Variants in CSNK1G2 observed in about 807,000 individuals in gnomAD.
CSNK1G2 encodes casein kinase 1 gamma 2, also known as casein kinase I isoform gamma-2.
In CSNK1G2, 11 loss-of-function variants were observed where a neutral mutation model predicts 48.0. That is an observed-to-expected ratio of 0.23 (90% confidence interval 0.14 to 0.38). The LOEUF (loss-of-function observed/expected upper bound fraction) is 0.38. CSNK1G2 is among the 10% of genes least tolerant of loss of function. The pLI is 1.00. For synonymous variants in CSNK1G2, 337 were observed against 254.1 expected, an observed-to-expected ratio of 1.33 and a Z score of -3.10; for missense variants, 446 against 595.5, an observed-to-expected ratio of 0.75 and a Z score of 2.61.
In CSNK1G2 at chr19:1,979,733, C is replaced by T. The variant is rs779082663; in HGVS notation, c.1003-19C>T. 1 of 1,604,744 alleles carries T rather than the reference C, an allele frequency of 6.2e-7. No homozygotes were observed. Reference sequence around the variant, plus strand: ...ACCGGCGCTGCAGCCCATCCTGACCCCTGCTCCCTCACCCACAGCCGACCC... The same window carrying T: ...ACCGGCGCTGCAGCCCATCCTGACCTCTGCTCCCTCACCCACAGCCGACCC... On this transcript the variant is annotated intron_variant, in intron 9 of 11. Coordinates refer to ENST00000255641, the MANE Select transcript of CSNK1G2 (RefSeq NM_001319.7).
chr19:1,956,837 G>A (rs537661665), intron 1 of CSNK1G2, among the ~76,000 whole-genome samples: 1 of 152,332 alleles, frequency 6.6e-6, no homozygotes, highest in South Asian at 2.1e-4. Flanking sequence ...ACCCCAGAGA[G>A]CCCCAGGAGG....
At chr19:1,972,472 A>G (rs1321009971) in intron 2 of CSNK1G2, among the ~76,000 whole-genome samples, 1 of 152,128 alleles carries the variant, frequency 6.6e-6, no homozygotes, top group East Asian at 1.9e-4. Flanking sequence ...AATATTGACT[A>G]TGCTCTCCTT....
intron 2 of CSNK1G2, among the ~76,000 whole-genome samples, chr19:1,974,362 A>G (rs1211477426): frequency 6.6e-6 from 1 of 152,126 alleles, no homozygotes; most frequent in Non-Finnish European, 1.5e-5. Flanking sequence ...TTTAGTCAGG[A>G]ACCCACTCCC....
chr19:1,948,395 C>T (rs545155471), intron 1 of CSNK1G2, among the ~76,000 whole-genome samples: 6 of 152,056 alleles, frequency 3.9e-5, no homozygotes, highest in African/African-American at 7.2e-5. Context: ...CGGTGGCAGG[C>T]GCCTGTACTC....
intron 1 of CSNK1G2, among the ~76,000 whole-genome samples, chr19:1,956,465 C>T (rs1463621541): frequency 3.9e-5 from 6 of 152,112 alleles, no homozygotes; most frequent in Non-Finnish European, 8.8e-5. Flanking sequence ...TGTAATGAGC[C>T]GAGATCCTGC....
At chr19:1,961,185 C>G (rs2015186925) in intron 1 of CSNK1G2, among the ~76,000 whole-genome samples, 1 of 152,236 alleles carries the variant, frequency 6.6e-6, no homozygotes, top group South Asian at 2.1e-4. Context: ...CCAGCCCTGG[C>G]CGTCGCGGTT....
intron 1 of CSNK1G2, among the ~76,000 whole-genome samples, chr19:1,945,161 G>A (rs1425498371): frequency 1.3e-5 from 2 of 152,184 alleles, no homozygotes; most frequent in Non-Finnish European, 2.9e-5. Context: ...GCTGCTTGGG[G>A]CCCTGCACCA....
At chr19:1,947,392 C>T (rs898603567) in intron 1 of CSNK1G2, among the ~76,000 whole-genome samples, 1 of 152,246 alleles carries the variant, frequency 6.6e-6, no homozygotes, top group Non-Finnish European at 1.5e-5. Flanking sequence ...TCCCATCTGA[C>T]CTCTGTCCCC....
intron 2 of CSNK1G2, among the ~76,000 whole-genome samples, chr19:1,973,286 C>T (rs533794519): frequency 3.2e-4 from 49 of 152,028 alleles, no homozygotes; most frequent in African/African-American, 1.0e-3. Flanking sequence ...TGCAGTGGCG[C>T]GATCTCGGCT....
chr19:1,971,616 T>A (rs1330109701), intron 2 of CSNK1G2, among the ~76,000 whole-genome samples: 1 of 152,134 alleles, frequency 6.6e-6, no homozygotes, highest in Non-Finnish European at 1.5e-5. Context: ...TGCACACACA[T>A]GCCTGGCACA....
chr19:1,972,089 G>C (rs2015593797), intron 2 of CSNK1G2, among the ~76,000 whole-genome samples: 1 of 152,192 alleles, frequency 6.6e-6, no homozygotes, highest in Non-Finnish European at 1.5e-5. Flanking sequence ...AGCTTTTACT[G>C]AGTTGCGGTT....
At chr19:1,980,073 G>C in intron 11 of CSNK1G2, 56 bp downstream of exon 11, 3 of 1,599,182 alleles carry the variant, frequency 1.9e-6, no homozygotes, top group South Asian at 1.1e-5. Context: ...GTCCCCATGG[G>C]GGTGGGAGGG....
intron 1 of CSNK1G2, among the ~76,000 whole-genome samples, chr19:1,962,106 G>T (rs994733222): frequency 1.3e-5 from 2 of 152,190 alleles, no homozygotes; most frequent in Admixed American, 6.5e-5. Flanking sequence ...GAGGCAGGCG[G>T]ATCACCTGGG....
chr19:1,944,934 T>C (rs1479891807), intron 1 of CSNK1G2, among the ~76,000 whole-genome samples: 1 of 152,208 alleles, frequency 6.6e-6, no homozygotes, highest in Non-Finnish European at 1.5e-5. Context: ...CCACCCTTGC[T>C]GCCCTTTTTC....
At chr19:1,971,246 C>T (rs191060316) in intron 2 of CSNK1G2, among the ~76,000 whole-genome samples, 2 of 152,292 alleles carry the variant, frequency 1.3e-5, no homozygotes, top group Admixed American at 1.3e-4. Flanking sequence ...TTGGTTGCAC[C>T]CAGGGCCCCA....
intron 1 of CSNK1G2, chr19:1,953,441 C>T (rs763473419): frequency 3.7e-6 from 2 of 534,586 alleles, no homozygotes; most frequent in South Asian, 2.8e-5. Flanking sequence ...GATGTGTCCA[C>T]TTTGCTTTTG....
At chr19:1,964,665 C>A (rs932491048) in intron 1 of CSNK1G2, among the ~76,000 whole-genome samples, 3 of 152,178 alleles carry the variant, frequency 2.0e-5, no homozygotes, top group Admixed American at 6.5e-5. Flanking sequence ...CTGTTTAACA[C>A]CTGGCTTATG....
Position 1,957,621 on chromosome 19 carries a change from G to A in CSNK1G2, c.-265-11887G>A, listed in dbSNP as rs1358037813. 6.6e-6 allele frequency among the ~76,000 whole-genome samples: 1 copy of A among 152,190 alleles called. No homozygotes were observed. ...CCCTCGCCCGGGGCGCGCTCCACAG[G>A]CTAGGCCACTTTCACAGCTCACCAC... On this transcript the variant is annotated intron_variant, in intron 1 of 11. Transcript: ENST00000255641. The surrounding 1 kb of genome is among the most constrained non-coding windows in gnomAD (Gnocchi z 5.4).
At chr19:1,950,354 T>G (rs2014719834) in intron 1 of CSNK1G2, among the ~76,000 whole-genome samples, 1 of 146,636 alleles carries the variant, frequency 6.8e-6, no homozygotes, top group African/African-American at 2.6e-5. Flanking sequence ...TTTGCCAGGA[T>G]GGTCTTGATC....
Sources: allele counts gnomAD v4.1 joint callset (sites outside exome capture counted in the v4.1 genomes callset), GRCh38; gene constraint gnomAD v4.1.1; non-coding constraint Gnocchi (gnomAD v3.1); transcripts MANE v1.5; gene names NCBI Gene and HGNC (gene_info 2026-07-23, HGNC 2026-07-21).